The following ABCA9 variants were observed in gnomAD, a reference collection of about 807,000 sequenced individuals.
ABCA9 encodes the protein ATP-binding cassette sub-family A member 9.
Under a neutral mutation model 205.3 loss-of-function variants are expected in ABCA9, and 183 were observed. The ratio of observed to expected loss-of-function variants is 0.89; its 90% CI spans 0.79 to 1.01. ABCA9 has a LOEUF of 1.01. ABCA9 is among the 50% of genes least tolerant of loss of function. ABCA9 has a pLI of 0.00. For missense variants in ABCA9, 1,805 were observed against 1,912.4 expected (o/e 0.94, Z 1.05); for synonymous variants, 651 against 683.3 (o/e 0.95, Z 0.74).
In ABCA9 at chr17:69,027,402, G is replaced by T; in HGVS notation, c.1839C>A (p.Ile613=). 1 of 1,612,962 alleles carries T rather than the reference G, an allele frequency of 6.2e-7. No individual in the cohort carries two copies. The highest frequency in any genetic ancestry group is 8.5e-7 in the Non-Finnish European group (1 of 1,179,402). ...QELEMENIQD[I]LAQNLSGGQN... is the part of the protein sequence containing the mutation. ...GTCCACCACTTAAGTTTTGAGCAAGGATGTCTTGAATATTTTCCATTTCTA... is the reference window on the plus strand; with the variant it reads ...GTCCACCACTTAAGTTTTGAGCAAGTATGTCTTGAATATTTTCCATTTCTA... Residue 613 remains isoleucine, a synonymous_variant, in exon 14 of 39, where the codon ATC becomes ATA. Coordinates refer to ENST00000340001, the MANE Select transcript of ABCA9 (RefSeq NM_080283.4).
In ABCA9 at chr17:68,999,179, GGTTA is replaced by G. The variant is rs1238264046; in HGVS notation, c.3436-3169_3436-3166del. Reference sequence around the variant, plus strand: ...TTAGGGTACATGTGCACATTGTGCAGGTTAGTTACATACGTATACATGTGCCATG... The same window carrying G: ...TTAGGGTACATGTGCACATTGTGCAGGTTACATACGTATACATGTGCCATG... On this transcript the variant is annotated intron_variant, in intron 25 of 38. Transcript: ENST00000340001. Among the ~76,000 whole-genome samples the G allele has an allele frequency of 3.3e-5, 5 of 149,482 alleles. No homozygotes were observed. The East Asian group carries it at 9.8e-4, about 29-fold the overall frequency.
chr17:69,027,175 C>T, intron 14 of ABCA9, 61 bp from the exon 15 acceptor site: 1 of 1,588,632 alleles, frequency 6.3e-7, no homozygotes. Context: ...TTTTAAAAAG[C>T]ACTGTACTTT....
intron 21 of ABCA9, among the ~76,000 whole-genome samples, chr17:69,017,183 A>G (rs2070648704): frequency 6.6e-6 from 1 of 152,126 alleles, no homozygotes; most frequent in African/African-American, 2.4e-5. Context: ...CCTAACAGCT[A>G]TGATTTATGC....
the ABCA9 span, among the ~76,000 whole-genome samples, chr17:69,077,384 T>G: frequency 6.6e-6 from 1 of 152,198 alleles, no homozygotes; most frequent in Non-Finnish European, 1.5e-5. Flanking sequence ...TGGTATGATT[T>G]CAACTTTTTA....
chr17:69,075,028 G>A, the ABCA9 span, among the ~76,000 whole-genome samples: 1 of 151,984 alleles, frequency 6.6e-6, no homozygotes, highest in Non-Finnish European at 1.5e-5. Flanking sequence ...CATGTTTGTT[G>A]ACTGCTTGTA....
At chr17:69,027,260 A>ATTGT (rs1466106080) in intron 14 of ABCA9, 70 bp downstream of exon 14, 2 of 1,569,218 alleles carry the variant, frequency 1.3e-6, no homozygotes, top group South Asian at 2.4e-5. Context: ...TCATTTGAAA[A>ATTGT]TTGTTTGACC....
rs766369586 is a variant in ABCA9, at chr17:69,029,230, GA to G, written c.1446-4del. 4 of 1,538,602 alleles carry G rather than the reference GA, an allele frequency of 2.6e-6. No homozygotes were observed. The highest frequency in any genetic ancestry group is 2.4e-5 in the South Asian group (2 of 84,992). ...ATTCTTTTTTAAGATTTTTGATTCT[GA>G]AAAAAAGAGGGAAATGTTTTCAGAG... On this transcript the variant is annotated splice_polypyrimidine_tract_variant and splice_region_variant and intron_variant, in intron 10 of 38. Transcript: ENST00000340001.
chr17:69,039,661 T>TA (rs1413502605), intron 6 of ABCA9, among the ~76,000 whole-genome samples: 4 of 152,218 alleles, frequency 2.6e-5, no homozygotes, highest in African/African-American at 9.6e-5. Flanking sequence ...ACTTCATGAC[T>TA]AAAACACTGA....
chr17:69,015,543 ATTAT>A (rs1252747200), intron 22 of ABCA9, among the ~76,000 whole-genome samples: 2 of 152,178 alleles, frequency 1.3e-5, no homozygotes, highest in African/African-American at 4.8e-5. Flanking sequence ...AAAGCTGAAC[ATTAT>A]TTAATGGAAA....
At position 68,995,881 on chromosome 17, in the gene ABCA9, G is replaced by C. The variant is rs1289314583; in HGVS notation, c.3555+14C>G. ...CACATTTCATGACCCTCAGACAGAAGTGGAACTACTTACCTCAGAAAAAAT... is the reference window on the plus strand; with the variant it reads ...CACATTTCATGACCCTCAGACAGAACTGGAACTACTTACCTCAGAAAAAAT... On this transcript the variant is annotated intron_variant, in intron 26 of 38. Transcript: ENST00000340001. The C allele has an allele frequency of 6.2e-7, 1 of 1,613,030 alleles. No individual in the cohort carries two copies. Among genetic ancestry groups the C allele is most frequent in the Admixed American group, 1.7e-5 (1 of 59,982 alleles).
intron 31 of ABCA9, among the ~76,000 whole-genome samples, chr17:68,988,426 GAATTTC>G (rs1476566529): frequency 6.6e-6 from 1 of 151,968 alleles, no homozygotes; most frequent in African/African-American, 2.4e-5. Flanking sequence ...TGTCCTTCAA[GAATTTC>G]AGTGTATCTG....
chr17:68,976,027 A>G lies in ABCA9; in HGVS notation c.4777-14T>C. 6.2e-7 allele frequency: 1 copy of G among 1,612,668 alleles called. No individual in the cohort carries two copies. Among genetic ancestry groups the G allele is most frequent in the African/African-American group, 1.3e-5 (1 of 74,892 alleles). Reference sequence around the variant, plus strand: ...CTCCAGGAAAACCTAAAAGGAAGGAAAGAAATAAAGAGAGGAGAACAATGC... The same window carrying G: ...CTCCAGGAAAACCTAAAAGGAAGGAGAGAAATAAAGAGAGGAGAACAATGC... On this transcript the variant is annotated splice_polypyrimidine_tract_variant and intron_variant, in intron 38 of 38. Transcript: ENST00000340001.
At position 69,032,280 on chromosome 17, in the gene ABCA9, T is replaced by G. The variant is rs200670678; in HGVS notation, c.1277-4A>C. 4.1e-5 allele frequency: 66 copies of G among 1,612,070 alleles called. No homozygotes were observed. The highest frequency in any genetic ancestry group is 5.6e-5 in the Non-Finnish European group (66 of 1,179,024). On this transcript the variant is annotated splice_polypyrimidine_tract_variant and splice_region_variant and intron_variant, in intron 9 of 38. Transcript: ENST00000340001. ...GAACATCGATGTCCATATTCAGCTA[T>G]GTGAGCAGGAGGCAATTGAATACTG...
At chr17:69,006,702 T>TGTTTTGG (rs1404032023) in intron 25 of ABCA9, among the ~76,000 whole-genome samples, 1 of 152,162 alleles carries the variant, frequency 6.6e-6, no homozygotes, top group Non-Finnish European at 1.5e-5. Flanking sequence ...TTGATGTACC[T>TGTTTTGG]GGTAGTTTTG....
intron 27 of ABCA9, among the ~76,000 whole-genome samples, 181 bp downstream of exon 27, chr17:68,992,833 GGT>G (rs1163040759): frequency 1.3e-5 from 2 of 149,122 alleles, no homozygotes; most frequent in African/African-American, 5.1e-5. Flanking sequence ...AAAGGGGGGG[GGT>G]CCAGGTTAAA....
intron 37 of ABCA9, among the ~76,000 whole-genome samples, chr17:68,977,593 G>A (rs2068925607): frequency 6.6e-6 from 1 of 152,168 alleles, no homozygotes; most frequent in Admixed American, 6.5e-5. Flanking sequence ...GTGAGGCTAG[G>A]GTTTTGCTGG....
At chr17:68,976,338 G>A (rs1387699740) in intron 37 of ABCA9, 148 bp from the exon 38 acceptor site, 4 of 670,926 alleles carry the variant, frequency 6.0e-6, no homozygotes, top group Middle Eastern at 4.1e-4. Flanking sequence ...AAGCAAACGC[G>A]ATATAGTCAT....
intron 37 of ABCA9, among the ~76,000 whole-genome samples, chr17:68,978,576 A>C (rs189011716): frequency 4.6e-5 from 7 of 152,254 alleles, no homozygotes; most frequent in Admixed American, 2.6e-4. Flanking sequence ...TGGTCTTTAC[A>C]ATTAGGCATG....
intron 3 of ABCA9, among the ~76,000 whole-genome samples, chr17:69,047,910 G>C (rs1378113400): frequency 6.6e-6 from 1 of 152,106 alleles, no homozygotes; most frequent in African/African-American, 2.4e-5. Flanking sequence ...TGGGCCAGTG[G>C]CCACCTAAAT....
Sources: gnomAD v4.1 joint callset for allele counts (sites outside exome capture counted in the v4.1 genomes callset) on GRCh38, gnomAD v4.1.1 for gene constraint, MANE v1.5 for transcripts, NCBI Gene and HGNC (gene_info 2026-07-23, HGNC 2026-07-21) for gene names.